COL23A1: variants seen among roughly 807,000 people sequenced by gnomAD.
COL23A1 encodes collagen type XXIII alpha 1 chain.
A neutral mutation model predicts 99.3 loss-of-function variants in COL23A1; 97 were observed. The observed-to-expected ratio is 0.98, with a 90% confidence interval of 0.83 to 1.16. The LOEUF is 1.16. Among genes scored for constraint, COL23A1 ranks in the 50% most tolerant of loss-of-function variants. COL23A1 has a pLI of 0.00. For missense variants in COL23A1, 762 were observed against 757.4 expected (o/e 1.01, Z -0.07); for synonymous variants, 320 against 308.2 (o/e 1.04, Z -0.40).
chr5:178,495,525 C>A lies in COL23A1; in HGVS notation c.361+65157G>T, dbSNP rs565208553. Reference sequence around the variant, plus strand: ...AATCCTCTGGAGAGATGCTAGATGCCACTCTGAGATGGGGGAGAAGGGTGG... The same window carrying A: ...AATCCTCTGGAGAGATGCTAGATGCAACTCTGAGATGGGGGAGAAGGGTGG... On this transcript the variant is annotated intron_variant, in intron 2 of 28. Coordinates refer to ENST00000390654, the MANE Select transcript of COL23A1 (RefSeq NM_173465.4). 7.9e-5 allele frequency among the ~76,000 whole-genome samples: 12 copies of A among 152,230 alleles called. No individual in the cohort carries two copies. In the East Asian group the frequency reaches 2.3e-3, roughly 29 times the overall value.
At chr5:178,435,381 C>A (rs918787230) in intron 2 of COL23A1, among the ~76,000 whole-genome samples, 15 of 152,134 alleles carry the variant, frequency 9.9e-5, no homozygotes, top group African/African-American at 3.6e-4. Context: ...TGATCTTCAC[C>A]TATATGTGGG....
chr5:178,253,830 C>G (rs572460254), intron 16 of COL23A1, among the ~76,000 whole-genome samples: 1 of 152,114 alleles, frequency 6.6e-6, no homozygotes, highest in African/African-American at 2.4e-5. Flanking sequence ...TGGCTGCCCG[C>G]TGCCCATCAA....
chr5:178,386,439 CA>C (rs11329976), intron 2 of COL23A1, among the ~76,000 whole-genome samples: 62,421 of 137,892 alleles, frequency 0.45, 13,242 homozygotes, highest in South Asian at 0.54. Context: ...ACTCCGTCTC[CA>C]AAAAAAAAAA....
chr5:178,432,939 C>T (rs1314255892), intron 2 of COL23A1, among the ~76,000 whole-genome samples: 5 of 152,154 alleles, frequency 3.3e-5, no homozygotes, highest in Admixed American at 2.0e-4. Flanking sequence ...TCTGGCAACT[C>T]GAATCCACCA....
intron 2 of COL23A1, among the ~76,000 whole-genome samples, chr5:178,553,546 C>T (rs1482942922): frequency 6.6e-6 from 1 of 152,180 alleles, no homozygotes; most frequent in South Asian, 2.1e-4. Context: ...CTGCAAGGAT[C>T]CAAAAAGACA....
At chr5:178,483,049 G>A (rs1336253672) in intron 2 of COL23A1, among the ~76,000 whole-genome samples, 1 of 151,748 alleles carries the variant, frequency 6.6e-6, no homozygotes, top group Non-Finnish European at 1.5e-5. Context: ...ACCAGCCTGG[G>A]AAACAGAGTA....
At chr5:178,583,726 T>TG (rs1036201253) in intron 1 of COL23A1, among the ~76,000 whole-genome samples, 1 of 152,146 alleles carries the variant, frequency 6.6e-6, no homozygotes. Flanking sequence ...TGGCACTTTA[T>TG]GGGGAGAGTG....
At chr5:178,290,251 G>T in intron 4 of COL23A1, 111 bp downstream of exon 4, 1 of 1,507,832 alleles carries the variant, frequency 6.6e-7, no homozygotes, top group Non-Finnish European at 9.2e-7. Flanking sequence ...TAGGACTGAT[G>T]TTTTCTGAGG....
chr5:178,518,919 G>A (rs1228554882), intron 2 of COL23A1, among the ~76,000 whole-genome samples: 14 of 133,598 alleles, frequency 1.0e-4, no homozygotes, highest in Admixed American at 3.0e-4. Flanking sequence ...CCATCCTCCC[G>A]GCGGTCGGGC....
chr5:178,579,472 G>A (rs1176164998), intron 1 of COL23A1, among the ~76,000 whole-genome samples: 1 of 152,280 alleles, frequency 6.6e-6, no homozygotes, highest in East Asian at 1.9e-4. Context: ...TGTTTGTTTT[G>A]AGACGGAGTC....
chr5:178,287,622 T>C (rs1757227343), intron 5 of COL23A1, among the ~76,000 whole-genome samples: 1 of 152,156 alleles, frequency 6.6e-6, no homozygotes, highest in Admixed American at 6.5e-5. Context: ...TCAGCCAGCA[T>C]TTCCCTCCCT....
intron 2 of COL23A1, among the ~76,000 whole-genome samples, chr5:178,354,565 T>C (rs1013761245): frequency 7.9e-5 from 12 of 152,130 alleles, no homozygotes. Context: ...TGACAGTGAC[T>C]GAGTTCTCGT....
chr5:178,309,289 G>A lies in COL23A1; in HGVS notation c.362-2370C>T, dbSNP rs1758536978. Among the ~76,000 whole-genome samples, 1 of 152,276 alleles carries A rather than the reference G, an allele frequency of 6.6e-6. No homozygotes were observed. The highest frequency in any genetic ancestry group is 6.5e-5 in the Admixed American group (1 of 15,306). On this transcript the variant is annotated intron_variant, in intron 2 of 28. Transcript: ENST00000390654. The surrounding 1 kb of genome is among the most constrained non-coding windows in gnomAD (Gnocchi z 4.7). ...AGGGATGCTGGCAGGGTGGGCAGCT[G>A]CCCAGGCAGGGTAGGGTGCCTGCCT...
chr5:178,324,550 G>A (rs1246579047), intron 2 of COL23A1, among the ~76,000 whole-genome samples: 1 of 152,110 alleles, frequency 6.6e-6, no homozygotes, highest in Non-Finnish European at 1.5e-5. Flanking sequence ...GCCCTGTCAC[G>A]CAAGTCGCTC....
At chr5:178,518,072 C>G (rs1256991917) in intron 2 of COL23A1, among the ~76,000 whole-genome samples, 1 of 128,476 alleles carries the variant, frequency 7.8e-6, no homozygotes, top group Admixed American at 7.5e-5. Flanking sequence ...TCCCTGATTA[C>G]TTGAGATTAG....
intron 2 of COL23A1, among the ~76,000 whole-genome samples, chr5:178,358,248 G>GTATGTGCGTGTATGTATA (rs796141502): frequency 8.0e-6 from 1 of 125,616 alleles, no homozygotes; most frequent in Admixed American, 7.5e-5. Flanking sequence ...GTATGTGTAT[G>GTATGTGCGTGTATGTATA]TGTGTGTATG....
At chr5:178,266,616 G>C (rs1052108045) in intron 8 of COL23A1, among the ~76,000 whole-genome samples, 1 of 152,130 alleles carries the variant, frequency 6.6e-6, no homozygotes, top group African/African-American at 2.4e-5. Flanking sequence ...AACTCAGCAT[G>C]AGCGCCCTTT....
chr5:178,499,071 CAG>C (rs1246269017), intron 2 of COL23A1, among the ~76,000 whole-genome samples: 1 of 152,088 alleles, frequency 6.6e-6, no homozygotes, highest in Non-Finnish European at 1.5e-5. Context: ...GCCTCAGTGA[CAG>C]AGTGAGATTC....
rs767694760 is a variant in COL23A1 at position 178,247,755 on chromosome 5, C to G, written c.1269+20G>C. On this transcript the variant is annotated intron_variant, in intron 21 of 28. Coordinates refer to ENST00000390654, the MANE Select transcript of COL23A1 (RefSeq NM_173465.4). ...GGTTTCCTGGCTGCTTCAAACCAAACCAAAGCAAACCGTCCTTACCATCGG... is the reference window on the plus strand; with the variant it reads ...GGTTTCCTGGCTGCTTCAAACCAAAGCAAAGCAAACCGTCCTTACCATCGG... 1.7e-5 allele frequency: 27 copies of G among 1,612,772 alleles called. No individual in the cohort carries two copies. In the East Asian group the frequency reaches 6.0e-4, roughly 36 times the overall value.
Sources: allele counts gnomAD v4.1 joint callset (sites outside exome capture counted in the v4.1 genomes callset), GRCh38; gene constraint gnomAD v4.1.1; non-coding constraint Gnocchi (gnomAD v3.1); transcripts MANE v1.5; gene names NCBI Gene and HGNC (gene_info 2026-07-23, HGNC 2026-07-21).